DMRT1: variants seen among roughly 807,000 people sequenced by gnomAD.
DMRT1 encodes doublesex- and mab-3-related transcription factor 1.
Under a neutral mutation model 32.3 loss-of-function variants are expected in DMRT1, and 7 were observed. The observed-to-expected ratio is 0.22, with a 90% CI of 0.12 to 0.41. DMRT1 has a LOEUF of 0.41. Ranked by LOEUF, DMRT1 falls within the 10% of genes least tolerant of loss-of-function variation. The probability of loss-of-function intolerance (pLI) is 1.00; values close to 1 mark genes in which losing one functional copy is unlikely to be tolerated. For missense variants in DMRT1, 625 were observed against 500.5 expected (o/e 1.25, Z -2.37); for synonymous variants, 278 against 206.1 (o/e 1.35, Z -2.99).
At position 885,560 on chromosome 9, in the gene DMRT1, C is replaced by T. The variant is rs1380661143; in HGVS notation, c.539-8352C>T. On this transcript the variant is annotated intron_variant, in intron 2 of 4. Transcript: ENST00000382276. Reference sequence around the variant, plus strand: ...CTGCCAGTGCCTATCAGTCTGCTCTCGACGTTGAGCTGCTTGCCTTCTTCC... The same window carrying T: ...CTGCCAGTGCCTATCAGTCTGCTCTTGACGTTGAGCTGCTTGCCTTCTTCC... 3.9e-5 allele frequency among the ~76,000 whole-genome samples: 6 copies of T among 152,220 alleles called. No homozygotes were observed. The East Asian group carries it at 5.8e-4, about 15-fold the overall frequency.
chr9:953,947 T>G (rs1483635726), intron 4 of DMRT1, among the ~76,000 whole-genome samples: 1 of 151,622 alleles, frequency 6.6e-6, no homozygotes, highest in African/African-American at 2.4e-5. Flanking sequence ...ATAATGAGAG[T>G]GAAAGTGATA....
In DMRT1 at chr9:882,208, G is replaced by A. The variant is rs758126045; in HGVS notation, c.539-11704G>A. 7.9e-5 allele frequency among the ~76,000 whole-genome samples: 12 copies of A among 152,162 alleles called. 1 individual carries two copies. The highest frequency in any genetic ancestry group is 2.6e-4 in the Admixed American group (4 of 15,268). On this transcript the variant is annotated intron_variant, in intron 2 of 4. Coordinates refer to ENST00000382276, the MANE Select transcript of DMRT1 (RefSeq NM_021951.3). ...TCCTAACTTTAGCATGCCACTGTGC[G>A]TTACATGCCAGCCTTTTCAGGCCCA...
chr9:857,258 G>A (rs977996563), intron 2 of DMRT1, among the ~76,000 whole-genome samples: 64 of 152,076 alleles, frequency 4.2e-4, no homozygotes, highest in African/African-American at 1.5e-3. Flanking sequence ...AGGGAGCTGA[G>A]ATTGCTCCAC....
intron 4 of DMRT1, among the ~76,000 whole-genome samples, chr9:925,262 C>T (rs1048004524): frequency 6.6e-6 from 1 of 152,164 alleles, no homozygotes; most frequent in African/African-American, 2.4e-5. Flanking sequence ...CTTTTCTGTT[C>T]GTTCCTCATC....
At chr9:967,962 T>C (rs1249147272) in intron 4 of DMRT1, 23 bp from the exon 5 acceptor site, 4 of 1,612,188 alleles carry the variant, frequency 2.5e-6, no homozygotes, top group East Asian at 4.5e-5. Context: ...CTTTCTCTCT[T>C]TCTCTCTCAC....
intron 2 of DMRT1, among the ~76,000 whole-genome samples, chr9:872,088 A>G (rs1463811047): frequency 6.6e-6 from 1 of 150,908 alleles, no homozygotes; most frequent in Non-Finnish European, 1.5e-5. Flanking sequence ...TTGTGATGGC[A>G]TCTCACTCTG....
chr9:928,146 A>G lies in DMRT1; in HGVS notation c.967+11239A>G, dbSNP rs76354147. Among the ~76,000 whole-genome samples the G allele has an allele frequency of 1.5e-3, 221 of 152,354 alleles. 1 individual carries two copies. The highest frequency in any genetic ancestry group is 4.9e-3 in the African/African-American group (205 of 41,584). On this transcript the variant is annotated intron_variant, in intron 4 of 4. Coordinates refer to ENST00000382276, the MANE Select transcript of DMRT1 (RefSeq NM_021951.3). ...TTAGCTTAAATCTGCAAAATAAAAG[A>G]GCACACTGAATTTATTGCATGATCA...
intron 2 of DMRT1, among the ~76,000 whole-genome samples, chr9:880,973 T>A (rs1006491809): frequency 6.6e-6 from 1 of 152,106 alleles, no homozygotes; most frequent in Non-Finnish European, 1.5e-5. Context: ...GATGTAAGGG[T>A]GTGATTTCTT....
At chr9:912,631 A>G (rs574683128) in intron 3 of DMRT1, among the ~76,000 whole-genome samples, 234 of 152,314 alleles carry the variant, frequency 1.5e-3, no homozygotes, top group Middle Eastern at 3.4e-3. Flanking sequence ...CTTTTTGTCA[A>G]ATAATACATA....
At chr9:885,008 A>G (rs557689902) in intron 2 of DMRT1, among the ~76,000 whole-genome samples, 2 of 152,118 alleles carry the variant, frequency 1.3e-5, no homozygotes, top group African/African-American at 2.4e-5. Flanking sequence ...TCATATTTCC[A>G]TTTGCATCAT....
chr9:933,883 T>C (rs1818803293), intron 4 of DMRT1, among the ~76,000 whole-genome samples: 2 of 152,314 alleles, frequency 1.3e-5, no homozygotes, highest in South Asian at 2.1e-4. Flanking sequence ...CAAACACCAT[T>C]TAAAGGTCTT....
intron 2 of DMRT1, among the ~76,000 whole-genome samples, chr9:886,491 A>G (rs997346196): frequency 6.6e-6 from 1 of 151,910 alleles, no homozygotes; most frequent in Middle Eastern, 3.4e-3. Flanking sequence ...CCTGACCTCA[A>G]GTGATCCACC....
intron 4 of DMRT1, among the ~76,000 whole-genome samples, chr9:947,071 C>G (rs931512948): frequency 6.6e-6 from 1 of 152,158 alleles, no homozygotes; most frequent in African/African-American, 2.4e-5. Flanking sequence ...TGAAGCAACT[C>G]GTCTACAGCA....
chr9:847,261 T>A (rs1838948304), intron 2 of DMRT1, 118 bp downstream of exon 2: 11 of 1,119,508 alleles, frequency 9.8e-6, no homozygotes, highest in African/African-American at 3.1e-5. Flanking sequence ...TAGAGGATTC[T>A]GTAGAGGATT....
In DMRT1 at chr9:893,980, C is replaced by G; in HGVS notation, c.607C>G (p.Leu203Val). ...AGGGCATGTGGAGAACACACCTGAC[C>G]TGGTTTCAGACTCCACCTACTACAG... ...SRGHVENTPDLVSDSTYYSSF... is the reference protein window; with the variant it reads ...SRGHVENTPDVVSDSTYYSSF... The change falls in exon 3 of 5, where the codon CTG (leucine) becomes GTG (valine). Residue 203 changes from leucine (L) to valine (V), a missense_variant. Leu to Val is a conservative substitution (Grantham distance 32). Around this residue, in one of 3 missense-constraint regions of DMRT1, gnomAD observed 416 missense variants for 321.6 expected, o/e 1.29. Coordinates refer to ENST00000382276, the MANE Select transcript of DMRT1 (RefSeq NM_021951.3). The G allele has an allele frequency of 6.2e-7, 1 of 1,614,096 alleles. No homozygotes were observed. The highest frequency in any genetic ancestry group is 8.5e-7 in the Non-Finnish European group (1 of 1,179,944).
At chr9:858,311 T>TA (rs777853542) in intron 2 of DMRT1, among the ~76,000 whole-genome samples, 1 of 152,214 alleles carries the variant, frequency 6.6e-6, no homozygotes. Flanking sequence ...TGTGCTGCCT[T>TA]ACGCTTGCTG....
At chr9:865,509 G>C (rs1385228207) in intron 2 of DMRT1, among the ~76,000 whole-genome samples, 1 of 152,044 alleles carries the variant, frequency 6.6e-6, no homozygotes, top group Non-Finnish European at 1.5e-5. Context: ...TTTGTACACT[G>C]TGATGAAGTA....
intron 2 of DMRT1, among the ~76,000 whole-genome samples, chr9:869,665 C>G (rs1816146995): frequency 6.6e-6 from 1 of 152,198 alleles, no homozygotes; most frequent in African/African-American, 2.4e-5. Flanking sequence ...TTAAAGCTCT[C>G]TATATTTAAT....
At chr9:859,806 A>G (rs1163447743) in intron 2 of DMRT1, among the ~76,000 whole-genome samples, 3 of 152,224 alleles carry the variant, frequency 2.0e-5, no homozygotes, top group African/African-American at 7.2e-5. Flanking sequence ...GCAAGTTGTG[A>G]AAAGAAAATA....
Sources: allele counts gnomAD v4.1 joint callset (sites outside exome capture counted in the v4.1 genomes callset), GRCh38; gene constraint gnomAD v4.1.1; regional missense constraint gnomAD v4.1.1; transcripts MANE v1.5; gene names NCBI Gene and HGNC (gene_info 2026-07-23, HGNC 2026-07-21).